PVALEF: variants seen among roughly 807,000 people sequenced by gnomAD.
PVALEF encodes parvalbumin-like EF-hand-containing protein.
A neutral mutation model predicts 1.2 loss-of-function variants in PVALEF; 2 were observed. That is an observed-to-expected ratio of 1.68 (90% CI 0.69 to 5.28). The LOEUF is 5.28. Ranked by LOEUF, PVALEF falls within the 30% of genes most tolerant of loss-of-function variation. The pLI is 0.06. For missense variants in PVALEF, 35 were observed against 17.7 expected, an observed-to-expected ratio of 1.97 and a Z score of -1.75; for synonymous variants, 16 against 6.5, an observed-to-expected ratio of 2.47 and a Z score of -2.24.
chr17:81,170,051 CAT>C (rs1364352724), intron 2 of PVALEF, among the ~76,000 whole-genome samples: 6 of 122,136 alleles, frequency 4.9e-5, no homozygotes, highest in African/African-American at 1.8e-4. Flanking sequence ...CATGTGTGTG[CAT>C]GTGTGTTGGT....
intron 2 of PVALEF, among the ~76,000 whole-genome samples, chr17:81,169,473 C>T (rs757013283): frequency 6.6e-6 from 1 of 152,194 alleles, no homozygotes; most frequent in African/African-American, 2.4e-5. Context: ...TGGCAGGCGC[C>T]TGTAATCCCA....
intron 2 of PVALEF, among the ~76,000 whole-genome samples, chr17:81,168,631 C>T (rs777380869): frequency 7.9e-5 from 12 of 152,120 alleles, no homozygotes; most frequent in East Asian, 1.9e-4. Flanking sequence ...GCATGATCTC[C>T]GCCCCTGGGA....
At position 81,182,024 on chromosome 17, in the gene PVALEF, G is replaced by A; in HGVS notation, c.301G>A (p.Ala101Thr). The part of the protein sequence containing the change: ...GPTTPLTDEE[A>T]EAMIQAADTH... ...CACCACCCCGCTGACAGACGAGGAG[G>A]CCGAGGCCATGATCCAGGCGGCAGA... The change falls in exon 6 of 7, where the codon GCC becomes ACC. Residue 101 changes from alanine to threonine, a missense_variant. Physicochemically the swap from Ala to Thr is moderately conservative, Grantham distance 58 (BLOSUM62 0). Coordinates refer to ENST00000637878, the MANE Select transcript of PVALEF (RefSeq NM_001354639.2). The A allele has an allele frequency of 5.0e-6, 2 of 398,796 alleles. No homozygotes were observed. Among genetic ancestry groups the A allele is most frequent in the East Asian group, 3.6e-5 (1 of 28,086 alleles). 24.7% of individuals were successfully genotyped at this position (398,796 alleles called of 1,614,324 possible).
chr17:81,172,615 G>C lies in PVALEF; in HGVS notation c.-340+5771G>C, dbSNP rs540626737. Among the ~76,000 whole-genome samples the C allele has an allele frequency of 2.2e-4, 34 of 152,138 alleles. 1 individual carries two copies. The highest frequency in any genetic ancestry group is 6.5e-4 in the African/African-American group (27 of 41,530). On this transcript the variant is annotated intron_variant, in intron 2 of 6. Transcript: ENST00000637878. ...CTATATGGTGAAAATACAAAAATTA[G>C]CCGGCGTGGTGGTGGGCACCTGTAA...
intron 1 of PVALEF, among the ~76,000 whole-genome samples, chr17:81,166,239 C>A (rs2061489588): frequency 8.8e-6 from 1 of 114,144 alleles, no homozygotes; most frequent in Non-Finnish European, 1.9e-5. Flanking sequence ...CGGGCGGGAG[C>A]GCGCGCGGAG....
intron 2 of PVALEF, among the ~76,000 whole-genome samples, chr17:81,171,884 C>T (rs918975788): frequency 2.6e-5 from 4 of 152,252 alleles, no homozygotes; most frequent in Admixed American, 6.5e-5. Flanking sequence ...CACAACATTG[C>T]GCCCCCATCT....
intron 2 of PVALEF, among the ~76,000 whole-genome samples, chr17:81,175,685 G>GA (rs1314110939): frequency 6.6e-6 from 1 of 152,076 alleles, no homozygotes; most frequent in East Asian, 1.9e-4. Flanking sequence ...ATTCAATGGG[G>GA]AAAAAACAGT....
Position 81,179,062 on chromosome 17 carries a change from A to G in PVALEF, c.-195A>G, listed in dbSNP as rs1386628673. On this transcript the variant is annotated 5_prime_UTR_variant, in exon 3 of 7. Transcript: ENST00000637878. ...ACAGCTGCAGCCCCGAGATGTAAAC[A>G]GGCTTGCAGGTATAAAAGCTGGAGC... 2 of 454,812 alleles carry G rather than the reference A, an allele frequency of 4.4e-6. No homozygotes were observed. The highest frequency in any genetic ancestry group is 8.9e-6 in the Non-Finnish European group (2 of 225,218). The allele number at this position is 454,812 out of a possible 1,614,324, so 28.2% of individuals were successfully genotyped here.
intron 1 of PVALEF, 120 bp downstream of exon 1, chr17:81,165,867 T>A (rs1748679326): frequency 6.5e-7 from 1 of 1,535,466 alleles, no homozygotes; most frequent in African/African-American, 1.4e-5. Context: ...CCGGGAGCCG[T>A]GGGGCCCAGG....
chr17:81,171,570 CA>C (rs755996406), intron 2 of PVALEF, among the ~76,000 whole-genome samples: 4 of 152,186 alleles, frequency 2.6e-5, no homozygotes, highest in Non-Finnish European at 5.9e-5. Context: ...CGGCTCACTG[CA>C]AGCTCCGCCT....
chr17:81,165,863 G>A (rs539685472), intron 1 of PVALEF, 116 bp downstream of exon 1: 2 of 1,535,810 alleles, frequency 1.3e-6, no homozygotes, highest in African/African-American at 2.8e-5. Context: ...CAAACCGGGA[G>A]CCGTGGGGCC....
At chr17:81,178,053 C>T (rs1461386527) in intron 2 of PVALEF, among the ~76,000 whole-genome samples, 1 of 152,162 alleles carries the variant, frequency 6.6e-6, no homozygotes, top group Non-Finnish European at 1.5e-5. Context: ...TTCGTCTCCT[C>T]ATCTCCTGGG....
rs544442708 is a variant in PVALEF at position 81,183,094 on chromosome 17, C to T, written c.*83C>T. On this transcript the variant is annotated 3_prime_UTR_variant, in exon 7 of 7. Coordinates refer to ENST00000637878, the MANE Select transcript of PVALEF (RefSeq NM_001354639.2). The stretch of plus-strand genomic sequence containing the variant: ...GCACCTGGGCAGAAGCCGTTGGGGC[C>T]GGTAAGAGGCGGCAGCCGTGAGGGT... The T allele has an allele frequency of 5.8e-4, 230 of 398,534 alleles. 4 individuals carry two copies. The South Asian group carries it at 0.025, about 44-fold the overall frequency. 24.7% of individuals were successfully genotyped at this position (398,534 alleles called of 1,614,324 possible).
intron 2 of PVALEF, among the ~76,000 whole-genome samples, chr17:81,174,776 T>C (rs1017388962): frequency 1.7e-4 from 26 of 151,732 alleles, no homozygotes; most frequent in African/African-American, 4.6e-4. Flanking sequence ...AGTGAAACCC[T>C]GTCTCTACTA....
At chr17:81,178,533 G>T (rs1282730130) in intron 2 of PVALEF, among the ~76,000 whole-genome samples, 1 of 152,126 alleles carries the variant, frequency 6.6e-6, no homozygotes, top group African/African-American at 2.4e-5. Flanking sequence ...TGAACTTGGA[G>T]CCTCCCCACC....
At chr17:81,180,195 C>T (rs549174167) in intron 3 of PVALEF, among the ~76,000 whole-genome samples, 3 of 152,316 alleles carry the variant, frequency 2.0e-5, no homozygotes, top group African/African-American at 7.2e-5. Context: ...GAGCCCAGCC[C>T]AGGGGCACCC....
intron 2 of PVALEF, among the ~76,000 whole-genome samples, chr17:81,170,678 G>A (rs1383427786): frequency 1.3e-5 from 2 of 152,158 alleles, no homozygotes; most frequent in African/African-American, 2.4e-5. Flanking sequence ...TTATAATAGC[G>A]TTTCTGCAAG....
Position 81,167,210 on chromosome 17 carries a change from T to C in PVALEF, c.-340+366T>C, listed in dbSNP as rs537279503. Among the ~76,000 whole-genome samples the C allele has an allele frequency of 2.0e-5, 3 of 152,336 alleles. No individual in the cohort carries two copies. In the South Asian group the frequency reaches 6.2e-4, roughly 32 times the overall value. The stretch of plus-strand genomic sequence containing the variant: ...TGGGAGGCTGAGGTGGGAGGATCAC[T>C]TGAGCCTGGGAGTTAGAGGCCGCAG... On this transcript the variant is annotated intron_variant, in intron 2 of 6. Coordinates refer to ENST00000637878, the MANE Select transcript of PVALEF (RefSeq NM_001354639.2).
chr17:81,166,813 G>C lies in PVALEF; in HGVS notation c.-371G>C, dbSNP rs886780327. On this transcript the variant is annotated 5_prime_UTR_variant, in exon 2 of 7. Transcript: ENST00000637878. ...GCGACAGCCATGAAGGAAGAACCTG[G>C]CTGAGTCTCCACCTGCCGTGGACTG... is the stretch of plus-strand genomic sequence containing the variant. The C allele has an allele frequency of 2.4e-5, 11 of 454,580 alleles. No homozygotes were observed. The Admixed American group carries it at 2.6e-4, about 11-fold the overall frequency. The allele number at this position is 454,580 out of a possible 1,614,324, so 28.2% of individuals were successfully genotyped here. A position where few individuals can be genotyped will look rare whatever the true frequency, so the allele number is the denominator to read the frequency against.
Sources: gnomAD v4.1 joint callset for allele counts (sites outside exome capture counted in the v4.1 genomes callset) on GRCh38, gnomAD v4.1.1 for gene constraint, MANE v1.5 for transcripts, NCBI Gene and HGNC (gene_info 2026-07-23, HGNC 2026-07-21) for gene names.